Variants in SLC5A7 observed in about 807,000 individuals in gnomAD.
The protein encoded by SLC5A7 is solute carrier family 5 member 7.
Under a neutral mutation model 55.4 loss-of-function variants are expected in SLC5A7, and 19 were observed. The ratio of observed to expected loss-of-function variants is 0.34; its 90% CI spans 0.24 to 0.50. The LOEUF (loss-of-function observed/expected upper bound fraction) is 0.50. SLC5A7 is among the 20% of genes least tolerant of loss of function. The pLI is 0.98. For missense variants in SLC5A7, 506 were observed against 705.3 expected, an observed-to-expected ratio of 0.72 and a Z score of 3.20; for synonymous variants, 265 against 263.7, an observed-to-expected ratio of 1.00 and a Z score of -0.05.
intron 4 of SLC5A7, 34 bp from the exon 5 acceptor site, chr2:107,997,804 C>T: frequency 1.3e-6 from 2 of 1,570,840 alleles, no homozygotes; most frequent in East Asian, 4.6e-5. Flanking sequence ...TCTGTCTGGG[C>T]ACCTTGACCA....
chr2:107,991,702 C>T (rs1677459690), intron 2 of SLC5A7, among the ~76,000 whole-genome samples: 1 of 151,890 alleles, frequency 6.6e-6, no homozygotes, highest in Admixed American at 6.6e-5. Flanking sequence ...GAAAATTTAC[C>T]CCTTGACCTC....
At chr2:108,008,405 G>C in intron 7 of SLC5A7, 60 bp from the exon 8 acceptor site, 4 of 1,371,976 alleles carry the variant, frequency 2.9e-6, no homozygotes, top group Non-Finnish European at 4.1e-6. Context: ...GATGACCCCA[G>C]ATGGATAAAG....
chr2:108,001,755 A>G (rs868256213), intron 5 of SLC5A7, 142 bp from the exon 6 acceptor site: 1 of 752,988 alleles, frequency 1.3e-6, no homozygotes, highest in South Asian at 2.5e-5. Context: ...CCCAACAAAA[A>G]ACAGAGAACA....
chr2:108,001,765 A>G, intron 5 of SLC5A7, 132 bp from the exon 6 acceptor site: 1 of 848,830 alleles, frequency 1.2e-6, no homozygotes, highest in South Asian at 2.4e-5. Context: ...AACAGAGAAC[A>G]TGATTTCCGA....
chr2:108,010,612 C>G lies in SLC5A7; in HGVS notation c.1494C>G (p.Ala498=). 1 of 1,613,956 alleles carries G rather than the reference C, an allele frequency of 6.2e-7. No individual in the cohort carries two copies. Among genetic ancestry groups the G allele is most frequent in the Non-Finnish European group, 8.5e-7 (1 of 1,179,944 alleles). The stretch of plus-strand genomic sequence containing the variant: ...CCAACATTTGCATCTCCTATCTAGC[C>G]AAGTATCTATTTGAAAGTGGAACCT... The part of the protein sequence containing the change: ...FLTNICISYL[A]KYLFESGTLP... The change falls in exon 9 of 9, where the codon GCC becomes GCG. Residue 498 remains alanine (A), a synonymous_variant. Transcript: ENST00000264047.
chr2:108,008,428 C>T (rs189003124), intron 7 of SLC5A7, 37 bp from the exon 8 acceptor site: 1 of 1,558,474 alleles, frequency 6.4e-7, no homozygotes, highest in African/African-American at 1.4e-5. Context: ...CATTTGGTTC[C>T]TTGGTGGTTA....
In SLC5A7 at chr2:107,992,869, AGG is replaced by A. The variant is rs542839537; in HGVS notation, c.293-102_293-101del. The A allele has an allele frequency of 2.2e-4, 277 of 1,237,656 alleles. 3 individuals carry two copies. The African/African-American group carries it at 3.9e-3, about 17-fold the overall frequency. 76.7% of individuals were successfully genotyped at this position (1,237,656 alleles called of 1,614,324 possible). A position where few individuals can be genotyped will look rare whatever the true frequency, so the allele number is the denominator to read the frequency against. On this transcript the variant is annotated intron_variant, in intron 3 of 8. Transcript: ENST00000264047. ...TGCAGACTTGTTCCTCAATCCATAC[AGG>A]TGTTCTGGAAAATGCATTTTCCTTG...
chr2:108,008,771 T>C (rs1358042209), intron 8 of SLC5A7, 89 bp downstream of exon 8: 1 of 848,330 alleles, frequency 1.2e-6, no homozygotes, highest in Admixed American at 3.4e-5. Flanking sequence ...GTATTATATA[T>C]TTATTAATAT....
At position 108,010,496 on chromosome 2, in the gene SLC5A7, A is replaced by T. The variant is rs1167661001; in HGVS notation, c.1378A>T (p.Ile460Phe). The change falls in exon 9 of 9, where the codon ATC becomes TTC. Residue 460 changes from isoleucine to phenylalanine, a missense_variant. Around this residue, in one of 4 missense-constraint regions of SLC5A7, gnomAD observed 137 missense variants for 143.6 expected, o/e 0.95. Coordinates refer to ENST00000264047, the MANE Select transcript of SLC5A7 (RefSeq NM_021815.5). ...GEPYLYLQPL[I>F]FYPGYYPDDN... Reference sequence around the variant, plus strand: ...GCCATATCTGTATCTTCAGCCCTTGATCTTCTACCCTGGCTATTACCCTGA... The same window carrying T: ...GCCATATCTGTATCTTCAGCCCTTGTTCTTCTACCCTGGCTATTACCCTGA... 1 of 1,613,920 alleles carries T rather than the reference A, an allele frequency of 6.2e-7. No individual in the cohort carries two copies.
At chr2:108,003,599 C>T (rs959876885) in intron 6 of SLC5A7, among the ~76,000 whole-genome samples, 1 of 152,124 alleles carries the variant, frequency 6.6e-6, no homozygotes, top group Non-Finnish European at 1.5e-5. Context: ...TTGTCAAGTC[C>T]TGCTAGTGAT....
Position 107,994,616 on chromosome 2 carries a change from A to G in SLC5A7, c.448+1489A>G, listed in dbSNP as rs185297403. Among the ~76,000 whole-genome samples, 893 of 152,214 alleles carry G rather than the reference A, an allele frequency of 5.9e-3. 6 individuals are homozygous for G. Among genetic ancestry groups the G allele is most frequent in the Non-Finnish European group, 9.2e-3 (626 of 67,986 alleles). On this transcript the variant is annotated intron_variant, in intron 4 of 8. Transcript: ENST00000264047. ...GAAAAAAAAAGAAACAACTAGGTGG[A>G]AAATGCTGCACTTCTCTGGTGCTGG...
chr2:108,001,945 G>A lies in SLC5A7; in HGVS notation c.646G>A (p.Gly216Arg). The A allele has an allele frequency of 6.2e-7, 1 of 1,614,134 alleles. No individual in the cohort carries two copies. Among genetic ancestry groups the A allele is most frequent in the Non-Finnish European group, 8.5e-7 (1 of 1,180,020 alleles). The part of the protein sequence containing the change: ...ALSHPAVADI[G>R]FTAVHAKYQK... Reference sequence around the variant, plus strand: ...GTCACATCCTGCAGTCGCAGACATCGGGTTCACTGCTGTGCATGCCAAATA... The same window carrying A: ...GTCACATCCTGCAGTCGCAGACATCAGGTTCACTGCTGTGCATGCCAAATA... Residue 216 changes from glycine to arginine, a missense_variant, in exon 6 of 9, where the codon GGG (glycine) becomes AGG (arginine). Physicochemically the swap from Gly to Arg is moderately radical, Grantham distance 125. Transcript: ENST00000264047.
intron 6 of SLC5A7, 99 bp downstream of exon 6, chr2:108,002,139 G>A: frequency 7.2e-7 from 1 of 1,385,202 alleles, no homozygotes; most frequent in South Asian, 1.4e-5. Context: ...TGTGCTTGTG[G>A]GCTCATGGCC....
chr2:107,987,017 G>A (rs189516186), intron 1 of SLC5A7, among the ~76,000 whole-genome samples: 1 of 152,186 alleles, frequency 6.6e-6, no homozygotes, highest in East Asian at 1.9e-4. Context: ...CTGCGGAGAG[G>A]AACTTGCCTG....
chr2:108,010,976 G>T lies in SLC5A7; in HGVS notation c.*115G>T. 4.4e-6 allele frequency: 5 copies of T among 1,148,308 alleles called. No homozygotes were observed. The highest frequency in any genetic ancestry group is 5.7e-6 in the Non-Finnish European group (5 of 872,214). The allele number at this position is 1,148,308 out of a possible 1,614,324, so 71.1% of individuals were successfully genotyped here. On this transcript the variant is annotated 3_prime_UTR_variant, in exon 9 of 9. Transcript: ENST00000264047. The stretch of plus-strand genomic sequence containing the variant: ...AAAAATATAAACAATGTTCAGGAGA[G>T]TAAAAATTCATATAAAGTGCAATTG...
chr2:107,993,564 T>G (rs1440947648), intron 4 of SLC5A7, among the ~76,000 whole-genome samples: 1 of 152,210 alleles, frequency 6.6e-6, no homozygotes, highest in African/African-American at 2.4e-5. Context: ...TATATCTTAA[T>G]TTCTTCCAAT....
chr2:108,012,960 G>A lies in SLC5A7; in HGVS notation c.*2099G>A, dbSNP rs534705393. The A allele has an allele frequency of 2.0e-5, 3 of 152,170 alleles. No homozygotes were observed. The highest frequency in any genetic ancestry group is 6.5e-5 in the Admixed American group (1 of 15,272). 9.4% of individuals were successfully genotyped at this position (152,170 alleles called of 1,614,324 possible). A position where few individuals can be genotyped will look rare whatever the true frequency, so the allele number is the denominator to read the frequency against. ...CGGTTTTTATCCATCCTGTCACCCT[G>A]AGCATCTGTCTCAACCTGCTGAGGC... On this transcript the variant is annotated 3_prime_UTR_variant, in exon 9 of 9. Coordinates refer to ENST00000264047, the MANE Select transcript of SLC5A7 (RefSeq NM_021815.5).
chr2:108,013,223 TCAAAGTACTAAAA>T lies in SLC5A7; in HGVS notation c.*2364_*2376del, dbSNP rs1678408153. 6.6e-6 allele frequency: 1 copy of T among 152,122 alleles called. No homozygotes were observed. The highest frequency in any genetic ancestry group is 2.4e-5 in the African/African-American group (1 of 41,426). The allele number at this position is 152,122 out of a possible 1,614,324, so 9.4% of individuals were successfully genotyped here. On this transcript the variant is annotated 3_prime_UTR_variant, in exon 9 of 9. Coordinates refer to ENST00000264047, the MANE Select transcript of SLC5A7 (RefSeq NM_021815.5). ...AACAGGGGGAAAATGTTTGCCCTGT[TCAAAGTACTAAAA>T]CTAGATAACTTAAATAATTTAAGCC...
intron 8 of SLC5A7, among the ~76,000 whole-genome samples, chr2:108,009,851 G>C (rs1678249037): frequency 2.0e-5 from 3 of 152,176 alleles, no homozygotes; most frequent in Admixed American, 2.0e-4. Context: ...AGATAAACTA[G>C]GGATGGCCTA....
Sources: allele counts gnomAD v4.1 joint callset (sites outside exome capture counted in the v4.1 genomes callset), GRCh38; gene constraint gnomAD v4.1.1; regional missense constraint gnomAD v4.1.1; transcripts MANE v1.5; gene names NCBI Gene and HGNC (gene_info 2026-07-23, HGNC 2026-07-21).